Variants in OPLAH observed in about 807,000 individuals in gnomAD.
The protein encoded by OPLAH is 5-oxoprolinase, ATP-hydrolysing.
Under a neutral mutation model 122.8 loss-of-function variants are expected in OPLAH, and 103 were observed. The observed-to-expected ratio is 0.84, with a 90% confidence interval of 0.71 to 0.99. The LOEUF is 0.99. Ranked by LOEUF, OPLAH falls within the 50% of genes least tolerant of loss-of-function variation. The pLI, the probability that OPLAH is intolerant of heterozygous loss-of-function variation, is 0.00. For synonymous variants in OPLAH, 875 were observed against 796.0 expected (o/e 1.10, Z -1.67); for missense variants, 1,902 against 1,836.5 (o/e 1.04, Z -0.65).
Position 144,054,701 on chromosome 8 carries a change from T to A in OPLAH, c.2546A>T (p.Tyr849Phe). The A allele has an allele frequency of 6.2e-7, 1 of 1,612,238 alleles. No homozygotes were observed. The highest frequency in any genetic ancestry group is 8.5e-7 in the Non-Finnish European group (1 of 1,179,796). Residue 849 changes from tyrosine (Y) to phenylalanine (F), a missense_variant, in exon 19 of 27, where the codon TAT (tyrosine) becomes TTT (phenylalanine). Transcript: ENST00000618853. ...TGCGTGGTGCCCTCGGCTGGCCACATAGAACACAGGCCGCGTCTGACCCGG... is the reference window on the plus strand; with the variant it reads ...TGCGTGGTGCCCTCGGCTGGCCACAAAGAACACAGGCCGCGTCTGACCCGG... Reference protein sequence around the residue: ...FWPGQTRPVFYVASRGHHADI... With the variant: ...FWPGQTRPVFFVASRGHHADI...
downstream of OPLAH, chr8:144,051,242 A>C: frequency 1.3e-6 from 2 of 1,579,724 alleles, no homozygotes; most frequent in Admixed American, 3.8e-5. Flanking sequence ...GCTGGCGCGC[A>C]CAGACACGAC....
Position 144,057,357 on chromosome 8 carries a change from C to G in OPLAH, c.1423-37G>C, listed in dbSNP as rs782042018. 7.5e-6 allele frequency: 12 copies of G among 1,589,422 alleles called. No homozygotes were observed. The East Asian group carries it at 1.4e-4, about 18-fold the overall frequency. On this transcript the variant is annotated intron_variant, in intron 10 of 26. Transcript: ENST00000618853. ...GAAGGGGTCAGTGGGCTCTCCTACTCTACCCCATCCAGCCCCCAGCCTGAG... is the reference window on the plus strand; with the variant it reads ...GAAGGGGTCAGTGGGCTCTCCTACTGTACCCCATCCAGCCCCCAGCCTGAG...
At position 144,056,691 on chromosome 8, in the gene OPLAH, C is replaced by G; in HGVS notation, c.1771G>C (p.Val591Leu). Reference protein sequence around the residue: ...RYQGTDCALMVSAHQHPATAR... With the variant: ...RYQGTDCALMLSAHQHPATAR... ...GTGGCTGGGTGCTGGTGGGCAGACA[C>G]CATCAGAGCACAGTCCGTGCCCTGG... Residue 591 changes from valine to leucine, a missense_variant, in exon 13 of 27, where the codon GTG becomes CTG. Physicochemically the swap from Val to Leu is conservative, Grantham distance 32. Around this residue, in one of 3 missense-constraint regions of OPLAH, gnomAD observed 1,726 missense variants for 1,642.1 expected, o/e 1.05. Transcript: ENST00000618853. The G allele has an allele frequency of 1.2e-6, 2 of 1,611,724 alleles. No individual in the cohort carries two copies.
At position 144,057,440 on chromosome 8, in the gene OPLAH, G is replaced by A. The variant is rs1554759566; in HGVS notation, c.1422+8C>T. On this transcript the variant is annotated splice_region_variant and intron_variant, in intron 10 of 26. Transcript: ENST00000618853. The stretch of plus-strand genomic sequence containing the variant: ...GCAGGACAGGCGGGAGAGCAGAGGT[G>A]GACGTACCTGCGTGAGTGCACGGAT... The A allele has an allele frequency of 5.1e-6, 8 of 1,581,992 alleles. No homozygotes were observed. The highest frequency in any genetic ancestry group is 2.3e-5 in the East Asian group (1 of 43,224).
intron 25 of OPLAH, 44 bp from the exon 26 acceptor site, chr8:144,051,870 T>TGGGGGCGGGGGC (rs1554757736): frequency 3.2e-4 from 37 of 114,386 alleles, no homozygotes; most frequent in Non-Finnish European, 3.5e-4. Context: ...GGGGCGGGGG[T>TGGGGGCGGGGGC]GGGGGCGGGG....
chr8:144,063,004 C>T (rs1835688639), upstream of OPLAH, among the ~76,000 whole-genome samples: 1 of 152,140 alleles, frequency 6.6e-6, no homozygotes, highest in Non-Finnish European at 1.5e-5. This position sits in a 1 kb window ranked among gnomAD's most constrained non-coding sequence, Gnocchi z 4.2. Flanking sequence ...TTGGCTGCCC[C>T]ACCTGCCTCC....
downstream of OPLAH, chr8:144,050,533 C>G: frequency 1.0e-6 from 1 of 985,646 alleles, no homozygotes; most frequent in Non-Finnish European, 1.2e-6. Flanking sequence ...CCGCCTCTCT[C>G]TGCAGACCAC....
At chr8:144,058,944 C>T (rs371338350) in intron 4 of OPLAH, 36 bp downstream of exon 4, 4 of 1,556,282 alleles carry the variant, frequency 2.6e-6, no homozygotes, top group African/African-American at 1.4e-5. Context: ...CAGGACCCTC[C>T]GGCCCCAAAT....
rs1341192784 is a variant in OPLAH at position 144,054,565 on chromosome 8, C to T, written c.2682G>A (p.Glu894=). ...CCCCACCCCACTCCCACTCACCCTCCTCCTGGAAGACGCCCCCCTGGACAA... is the reference window on the plus strand; with the variant it reads ...CCCCACCCCACTCCCACTCACCCTCTTCCTGGAAGACGCCCCCCTGGACAA... The part of the protein sequence containing the change: ...FKLVQGGVFQ[E]EAVTEALRAP... Residue 894 remains glutamate, a synonymous_variant, in exon 19 of 27, where the codon GAG becomes GAA. Transcript: ENST00000618853. 2 of 1,582,098 alleles carry T rather than the reference C, an allele frequency of 1.3e-6. No homozygotes were observed. Among genetic ancestry groups the T allele is most frequent in the Non-Finnish European group, 1.7e-6 (2 of 1,158,742 alleles).
At chr8:144,063,616 G>C (rs6558294), upstream of OPLAH, 8,393 of 152,800 alleles carry the variant, frequency 0.055, 274 homozygotes, top group Middle Eastern at 0.092. This position sits in a 1 kb window ranked among gnomAD's most constrained non-coding sequence, Gnocchi z 4.2. Context: ...AGAGCCCCAG[G>C]GCCCTGGCTT....
intron 19 of OPLAH, among the ~76,000 whole-genome samples, chr8:144,054,088 T>A (rs1835452321): frequency 6.8e-6 from 1 of 146,838 alleles, no homozygotes; most frequent in Admixed American, 6.9e-5. Context: ...CCCCGAATCC[T>A]CTCTGCACGT....
chr8:144,057,426 G>A (rs782218952), intron 10 of OPLAH, 22 bp downstream of exon 10: 42 of 1,585,174 alleles, frequency 2.6e-5, no homozygotes, highest in African/African-American at 1.6e-4. Flanking sequence ...CAGGACAGGC[G>A]GGAGAGCAGA....
At chr8:144,051,604 C>T (rs1835377627) in intron 26 of OPLAH, 125 bp downstream of exon 26, 3 of 1,165,510 alleles carry the variant, frequency 2.6e-6, no homozygotes, top group Admixed American at 2.3e-5. Context: ...CCGGTACGCG[C>T]CCCCTTTCCT....
rs1341815430 is a variant in OPLAH, at chr8:144,051,934, G to A, written c.3604C>T (p.Arg1202Trp). Residue 1202 changes from arginine (R) to tryptophan (W), a missense_variant, in exon 25 of 27, where the codon CGG (arginine) becomes TGG (tryptophan). By Grantham distance (101) the Arg-to-Trp change is moderately radical. This residue lies in a region of OPLAH where 1,726 missense variants were observed against 1,642.1 expected (regional missense o/e 1.05). Transcript: ENST00000618853. ...CGCGCACCGTGGAGCCCGTATGGCC[G>A]GAAGGCGCGGCGCTCGGTCAGCACT... ...LSVLTERRAFRPYGLHGGEPG... is the reference protein window; with the variant it reads ...LSVLTERRAFWPYGLHGGEPG... 5 of 1,540,948 alleles carry A rather than the reference G, an allele frequency of 3.2e-6. No homozygotes were observed. Among genetic ancestry groups the A allele is most frequent in the South Asian group, 1.2e-5 (1 of 85,210 alleles).
Position 144,058,146 on chromosome 8 carries a change from T to C in OPLAH, c.952A>G (p.Thr318Ala). ...GCATAGCGGCTCACATCCGTGGACG[T>C]GCCTGGCAGGGGTGGGGTGCTGGTG... ...QPVIGFDMGGTSTDVSRYAGE... is the reference protein window; with the variant it reads ...QPVIGFDMGGASTDVSRYAGE... Residue 318 changes from threonine (T) to alanine (A), a missense_variant and splice_region_variant, in exon 8 of 27, where the codon ACG becomes GCG. By Grantham distance (58) the Thr-to-Ala change is moderately conservative. Coordinates refer to ENST00000618853, the MANE Select transcript of OPLAH (RefSeq NM_017570.5). 1.9e-6 allele frequency: 3 copies of C among 1,612,278 alleles called. No individual in the cohort carries two copies. The highest frequency in any genetic ancestry group is 2.5e-6 in the Non-Finnish European group (3 of 1,179,728).
In OPLAH at chr8:144,058,075, G is replaced by A. The variant is rs1374550271; in HGVS notation, c.1023C>T (p.Thr341=). ...HVFEASTAGV[T]LQAPQLDINT... is the part of the protein sequence containing the mutation. ...TGATGTCCAGCTGCGGGGCCTGGAGGGTGACGCCAGCTGTGCTGGCCTCGA... is the reference window on the plus strand; with the variant it reads ...TGATGTCCAGCTGCGGGGCCTGGAGAGTGACGCCAGCTGTGCTGGCCTCGA... Residue 341 remains threonine (T), a synonymous_variant, in exon 8 of 27, where the codon ACC becomes ACT. Transcript: ENST00000618853. 6.2e-7 allele frequency: 1 copy of A among 1,612,364 alleles called. No individual in the cohort carries two copies. Among genetic ancestry groups the A allele is most frequent in the Non-Finnish European group, 8.5e-7 (1 of 1,179,800 alleles).
Position 144,052,341 on chromosome 8 carries a change from T to C in OPLAH, c.3304-15A>G, listed in dbSNP as rs1835402050. ...TTCATGCAGCCCTGGTGAGGGCACC[T>C]GGTCGCTGCGCTGGGCTGGGGCAGG... On this transcript the variant is annotated splice_polypyrimidine_tract_variant and intron_variant, in intron 23 of 26. Coordinates refer to ENST00000618853, the MANE Select transcript of OPLAH (RefSeq NM_017570.5). 2.6e-6 allele frequency: 4 copies of C among 1,514,026 alleles called. No homozygotes were observed. In the East Asian group the frequency reaches 7.4e-5, roughly 28 times the overall value. The allele number at this position is 1,514,026 out of a possible 1,614,324, so 93.8% of individuals were successfully genotyped here.
Position 144,055,088 on chromosome 8 carries a change from A to AC in OPLAH, c.2349dup (p.Ser784ValfsTer178). ...TGCACAGGGATGTGGGGGGCATTGG[A>AC]CACCAGCCCCCCATCGGGCCCAAAG... On this transcript the variant is annotated frameshift_variant, in exon 17 of 27. Coordinates refer to ENST00000618853, the MANE Select transcript of OPLAH (RefSeq NM_017570.5). LOFTEE classifies it high-confidence loss of function. The surrounding 1 kb of genome is among the most constrained non-coding windows in gnomAD (Gnocchi z 6.5). 1 of 1,570,586 alleles carries AC rather than the reference A, an allele frequency of 6.4e-7. No homozygotes were observed. Among genetic ancestry groups the AC allele is most frequent in the Non-Finnish European group, 8.6e-7 (1 of 1,159,070 alleles).
Position 144,054,598 on chromosome 8 carries a change from G to A in OPLAH, c.2649C>T (p.Ser883=), listed in dbSNP as rs782209122. 3.7e-6 allele frequency: 6 copies of A among 1,603,614 alleles called. No homozygotes were observed. Among genetic ancestry groups the A allele is most frequent in the Middle Eastern group, 1.7e-4 (1 of 6,024 alleles). The change falls in exon 19 of 27, where the codon TCC becomes TCT. Residue 883 remains serine, a synonymous_variant. Coordinates refer to ENST00000618853, the MANE Select transcript of OPLAH (RefSeq NM_017570.5). Reference sequence around the variant, plus strand: ...AGACGCCCCCCTGGACAAGTTTGAAGGACAGAAAGACGGCACCCTCCTGTT... The same window carrying A: ...AGACGCCCCCCTGGACAAGTTTGAAAGACAGAAAGACGGCACCCTCCTGTT... ...MLQQEGAVFL[S]FKLVQGGVFQ... is the part of the protein sequence containing the mutation.
Sources: allele counts gnomAD v4.1 joint callset (sites outside exome capture counted in the v4.1 genomes callset), GRCh38; gene constraint gnomAD v4.1.1; regional missense constraint gnomAD v4.1.1; non-coding constraint Gnocchi (gnomAD v3.1); transcripts MANE v1.5; gene names NCBI Gene and HGNC (gene_info 2026-07-23, HGNC 2026-07-21).